ATRNL1: variants seen among roughly 807,000 people sequenced by gnomAD.
ATRNL1 encodes the protein attractin like 1.
In ATRNL1, 95 loss-of-function variants were observed where a neutral mutation model predicts 182.7. The observed-to-expected ratio is 0.52, with a 90% CI of 0.44 to 0.62. ATRNL1 has a LOEUF of 0.62. ATRNL1 is among the 20% of genes least tolerant of loss of function. ATRNL1 has a pLI of 0.00. For missense variants in ATRNL1, 1,471 were observed against 1,679.5 expected (o/e 0.88, Z 2.17); for synonymous variants, 576 against 568.3 (o/e 1.01, Z -0.19).
At chr10:115,830,966 T>A (rs1555093491) in intron 27 of ATRNL1, among the ~76,000 whole-genome samples, 1 of 152,148 alleles carries the variant, frequency 6.6e-6, no homozygotes, top group East Asian at 1.9e-4. Flanking sequence ...TGCCTTTTTA[T>A]CCCTTGGCTG....
At chr10:115,440,829 G>A (rs1846635447) in intron 21 of ATRNL1, among the ~76,000 whole-genome samples, 1 of 151,776 alleles carries the variant, frequency 6.6e-6, no homozygotes, top group African/African-American at 2.4e-5. Flanking sequence ...TTTATCAAAG[G>A]AAAATGCAAA....
At chr10:115,684,021 A>C (rs1345357544) in intron 26 of ATRNL1, among the ~76,000 whole-genome samples, 4 of 151,752 alleles carry the variant, frequency 2.6e-5, no homozygotes, top group Non-Finnish European at 3.0e-5. Context: ...CATGTATCAT[A>C]AGCTCTTCTA....
At chr10:115,810,261 C>G (rs1420161980) in intron 27 of ATRNL1, among the ~76,000 whole-genome samples, 2 of 151,834 alleles carry the variant, frequency 1.3e-5, no homozygotes, top group African/African-American at 4.8e-5. Context: ...CTTGCCATGT[C>G]TTTTGCAACT....
rs1847821924 is a variant in ATRNL1, at chr10:115,462,001, A to G, written c.3383A>G (p.His1128Arg). The G allele has an allele frequency of 5.0e-6, 8 of 1,611,246 alleles. No individual in the cohort carries two copies. Among genetic ancestry groups the G allele is most frequent in the Non-Finnish European group, 6.8e-6 (8 of 1,178,478 alleles). Residue 1128 changes from histidine to arginine, a missense_variant, in exon 22 of 29, where the codon CAT becomes CGT. Transcript: ENST00000355044. ...FSLLQEDDRH[H>R]TAINFIANPE... ...TTATTACAGGAAGATGATCGCCACC[A>G]TACTGCCATAAACTTTATAGCAAAC... is the stretch of plus-strand genomic sequence containing the variant.
Position 115,479,090 on chromosome 10 carries a change from G to T in ATRNL1, c.3654+9761G>T, listed in dbSNP as rs1418701413. Reference sequence around the variant, plus strand: ...TTTCAGTCTACTAGCATCATTGTTGGCAAAATTCACTGGTTCTATTTTCCT... The same window carrying T: ...TTTCAGTCTACTAGCATCATTGTTGTCAAAATTCACTGGTTCTATTTTCCT... On this transcript the variant is annotated intron_variant, in intron 24 of 28. Transcript: ENST00000355044. 2.0e-5 allele frequency among the ~76,000 whole-genome samples: 3 copies of T among 151,444 alleles called. No homozygotes were observed. The Admixed American group carries it at 2.0e-4, about 10-fold the overall frequency.
intron 27 of ATRNL1, among the ~76,000 whole-genome samples, chr10:115,747,649 T>C (rs1948331312): frequency 6.6e-6 from 1 of 152,070 alleles, no homozygotes; most frequent in African/African-American, 2.4e-5. Context: ...TCTTTTCCTC[T>C]GATCTTATTG....
chr10:115,793,354 G>A lies in ATRNL1; in HGVS notation c.3904-54523G>A, dbSNP rs149162351. Among the ~76,000 whole-genome samples the A allele has an allele frequency of 2.9e-3, 448 of 152,158 alleles. 1 individual carries two copies. Among genetic ancestry groups the A allele is most frequent in the African/African-American group, 0.011 (439 of 41,564 alleles). ...TAGTCTCTCATCATAGAAAATGATGGTAGGTTGCCCATCTGGCAAAGGTTG... is the reference window on the plus strand; with the variant it reads ...TAGTCTCTCATCATAGAAAATGATGATAGGTTGCCCATCTGGCAAAGGTTG... On this transcript the variant is annotated intron_variant, in intron 27 of 28. Transcript: ENST00000355044.
intron 1 of ATRNL1, among the ~76,000 whole-genome samples, chr10:115,098,538 T>C (rs1434259917): frequency 7.1e-6 from 1 of 141,402 alleles, no homozygotes; most frequent in African/African-American, 2.7e-5. Context: ...CTCGGCTCAC[T>C]GCAAGCTCCG....
chr10:115,182,313 G>T (rs574302525), intron 8 of ATRNL1, among the ~76,000 whole-genome samples: 2 of 151,460 alleles, frequency 1.3e-5, no homozygotes, highest in Middle Eastern at 3.4e-3. Flanking sequence ...ATAAAATTAG[G>T]TAAGAAAGAT....
chr10:115,422,648 G>C (rs541988171), intron 20 of ATRNL1, among the ~76,000 whole-genome samples: 89 of 152,246 alleles, frequency 5.8e-4, no homozygotes, highest in African/African-American at 2.1e-3. Context: ...ACTCAGAGCA[G>C]AGTTACCATT....
At chr10:115,384,147 T>C (rs1471059982) in intron 19 of ATRNL1, among the ~76,000 whole-genome samples, 3 of 152,006 alleles carry the variant, frequency 2.0e-5, no homozygotes, top group Admixed American at 6.6e-5. Context: ...TGCAAACAAA[T>C]GAAAGTAAAT....
chr10:115,887,653 C>T (rs1040667626), intron 28 of ATRNL1, among the ~76,000 whole-genome samples: 5 of 151,626 alleles, frequency 3.3e-5, no homozygotes, highest in Non-Finnish European at 7.4e-5. Context: ...CAATGCTCAA[C>T]ATAGAGCTCT....
At chr10:115,709,500 C>T (rs1291806896) in intron 26 of ATRNL1, among the ~76,000 whole-genome samples, 1 of 151,700 alleles carries the variant, frequency 6.6e-6, no homozygotes, top group Admixed American at 6.6e-5. Flanking sequence ...AATCTTGTTC[C>T]TGTGGTTACT....
chr10:115,502,880 C>A (rs953298482), intron 24 of ATRNL1, among the ~76,000 whole-genome samples: 2 of 152,090 alleles, frequency 1.3e-5, no homozygotes, highest in African/African-American at 2.4e-5. Flanking sequence ...TTCCCCAGAA[C>A]TTAAAGTATA....
At chr10:115,561,602 A>G (rs1853713314) in intron 26 of ATRNL1, among the ~76,000 whole-genome samples, 1 of 151,634 alleles carries the variant, frequency 6.6e-6, no homozygotes, top group Non-Finnish European at 1.5e-5. Flanking sequence ...TTACTTGAGC[A>G]TCTCTGGATT....
chr10:115,345,273 TC>T (rs1463400935), intron 19 of ATRNL1, among the ~76,000 whole-genome samples: 1 of 152,228 alleles, frequency 6.6e-6, no homozygotes, highest in African/African-American at 2.4e-5. Context: ...GAACTGAAGT[TC>T]AGACTGCTAG....
At chr10:115,352,840 T>G (rs1202825306) in intron 19 of ATRNL1, among the ~76,000 whole-genome samples, 1 of 152,076 alleles carries the variant, frequency 6.6e-6, no homozygotes, top group Non-Finnish European at 1.5e-5. Flanking sequence ...GTGGAGGTTG[T>G]GGTGAGCCGA....
intron 19 of ATRNL1, among the ~76,000 whole-genome samples, chr10:115,352,836 G>A (rs1438115643): frequency 1.3e-5 from 2 of 152,134 alleles, no homozygotes; most frequent in African/African-American, 2.4e-5. Flanking sequence ...GGAGGTGGAG[G>A]TTGTGGTGAG....
At chr10:115,658,199 C>T (rs781878493) in intron 26 of ATRNL1, among the ~76,000 whole-genome samples, 17 of 147,572 alleles carry the variant, frequency 1.2e-4, no homozygotes, top group Admixed American at 7.7e-4. Flanking sequence ...GGTTTCACGC[C>T]ATTCTCCTGC....
Sources: allele counts gnomAD v4.1 joint callset (sites outside exome capture counted in the v4.1 genomes callset), GRCh38; gene constraint gnomAD v4.1.1; transcripts MANE v1.5; gene names NCBI Gene and HGNC (gene_info 2026-07-23, HGNC 2026-07-21).